DPYD: variants seen among roughly 807,000 people sequenced by gnomAD.
The protein encoded by DPYD is dihydropyrimidine dehydrogenase.
In DPYD, 109 loss-of-function variants were observed where a neutral mutation model predicts 116.2. That is an observed-to-expected ratio of 0.94 (90% CI 0.80 to 1.10). The LOEUF (loss-of-function observed/expected upper bound fraction) is 1.10, where lower values mean the gene tolerates loss of function less well. Ranked by LOEUF, DPYD falls within the 50% of genes least tolerant of loss-of-function variation. The pLI, the probability that DPYD is intolerant of heterozygous loss-of-function variation, is 0.00. For synonymous variants in DPYD, 440 were observed against 432.0 expected (o/e 1.02, Z -0.23); for missense variants, 1,302 against 1,254.5 (o/e 1.04, Z -0.57).
chr1:97,834,322 G>A (rs1265134479), intron 2 of DPYD, among the ~76,000 whole-genome samples: 2 of 151,754 alleles, frequency 1.3e-5, no homozygotes, highest in Non-Finnish European at 2.9e-5. Flanking sequence ...GTGCTAGATA[G>A]TATGCTAATC....
rs1668141613 is a variant in DPYD, at chr1:97,807,745, C to T, written c.233+20369G>A. On this transcript the variant is annotated intron_variant, in intron 3 of 22. Transcript: ENST00000370192. ...ATAACATCTATATTTTCTATGTTAT[C>T]TTCTCAGAATATAGTAGGCATGTGT... is the stretch of plus-strand genomic sequence containing the variant. Among the ~76,000 whole-genome samples the T allele has an allele frequency of 2.0e-5, 3 of 152,050 alleles. No homozygotes were observed. In the South Asian group the frequency reaches 6.2e-4, roughly 32 times the overall value.
chr1:97,459,718 G>A (rs1432758164), intron 13 of DPYD, among the ~76,000 whole-genome samples: 1 of 152,058 alleles, frequency 6.6e-6, no homozygotes, highest in Non-Finnish European at 1.5e-5. Context: ...GGAATTGTGA[G>A]CAAATAGTAT....
intron 2 of DPYD, among the ~76,000 whole-genome samples, chr1:97,869,646 T>C (rs116303728): frequency 0.056 from 8,478 of 151,826 alleles, 265 homozygotes; most frequent in South Asian, 0.1. Context: ...ATACAGAAAG[T>C]TGGCACCAAG....
intron 12 of DPYD, among the ~76,000 whole-genome samples, chr1:97,528,922 T>C (rs998314077): frequency 2.6e-5 from 4 of 152,170 alleles, no homozygotes; most frequent in African/African-American, 4.8e-5. Context: ...TAGTTTTTCA[T>C]TGGATTTTGT....
At chr1:97,149,887 A>G (rs1654897478) in intron 20 of DPYD, among the ~76,000 whole-genome samples, 1 of 152,220 alleles carries the variant, frequency 6.6e-6, no homozygotes, top group South Asian at 2.1e-4. Context: ...ATGTATTTGT[A>G]TATTTTCACC....
chr1:97,226,107 AC>A (rs1203483122), intron 19 of DPYD, among the ~76,000 whole-genome samples: 1 of 152,166 alleles, frequency 6.6e-6, no homozygotes, highest in African/African-American at 2.4e-5. Flanking sequence ...AATAAATATA[AC>A]AACACATTAA....
At chr1:97,143,925 C>T (rs1243541683) in intron 20 of DPYD, among the ~76,000 whole-genome samples, 3 of 152,244 alleles carry the variant, frequency 2.0e-5, no homozygotes, top group Admixed American at 2.0e-4. Flanking sequence ...TGTTCACCAG[C>T]CAATGGTAAC....
chr1:97,880,326 AGCTAG>A (rs533940724), intron 2 of DPYD, among the ~76,000 whole-genome samples: 447 of 151,976 alleles, frequency 2.9e-3, no homozygotes, highest in African/African-American at 1.0e-2. Context: ...GTTACTGGCT[AGCTAG>A]TGGGGATAAA....
chr1:97,785,914 C>A (rs1032869006), intron 3 of DPYD, among the ~76,000 whole-genome samples: 1 of 150,820 alleles, frequency 6.6e-6, no homozygotes, highest in African/African-American at 2.4e-5. Context: ...AGGACGGTCT[C>A]GATCTCCTGA....
chr1:97,199,171 T>C (rs1474689338), intron 19 of DPYD, among the ~76,000 whole-genome samples: 2 of 152,204 alleles, frequency 1.3e-5, no homozygotes, highest in African/African-American at 4.8e-5. Flanking sequence ...AAATCTTCTT[T>C]ACATACATTA....
At chr1:97,819,350 A>C (rs1668799712) in intron 3 of DPYD, among the ~76,000 whole-genome samples, 1 of 151,884 alleles carries the variant, frequency 6.6e-6, no homozygotes, top group African/African-American at 2.4e-5. Context: ...GAGTTGAAAC[A>C]TTGCTTCTGA....
chr1:97,845,828 C>T (rs1489166559), intron 2 of DPYD, among the ~76,000 whole-genome samples: 1 of 152,204 alleles, frequency 6.6e-6, no homozygotes, highest in Non-Finnish European at 1.5e-5. Flanking sequence ...CTTCCGGGCA[C>T]CATCACATTC....
At chr1:97,417,566 C>A (rs746669492) in intron 14 of DPYD, among the ~76,000 whole-genome samples, 37 of 152,232 alleles carry the variant, frequency 2.4e-4, no homozygotes, top group Non-Finnish European at 3.8e-4. Flanking sequence ...TTCTTTTCAA[C>A]AAAGCTACAC....
chr1:97,565,097 C>T (rs944346919), intron 11 of DPYD, among the ~76,000 whole-genome samples: 31 of 152,096 alleles, frequency 2.0e-4, no homozygotes, highest in Middle Eastern at 3.4e-3. Context: ...CTCAGTCGCC[C>T]CTGATACTGA....
At chr1:97,403,398 G>A (rs910941092) in intron 14 of DPYD, among the ~76,000 whole-genome samples, 3 of 152,012 alleles carry the variant, frequency 2.0e-5, no homozygotes, top group African/African-American at 7.2e-5. Flanking sequence ...GAATTGGTAG[G>A]AATTTTTCTT....
intron 8 of DPYD, among the ~76,000 whole-genome samples, chr1:97,658,571 A>G (rs1659074931): frequency 6.6e-6 from 1 of 152,138 alleles, no homozygotes; most frequent in Non-Finnish European, 1.5e-5. Flanking sequence ...AAAAGACCTA[A>G]GAATTTAGAC....
chr1:97,348,568 C>T (rs543002791), intron 16 of DPYD, among the ~76,000 whole-genome samples: 94 of 152,252 alleles, frequency 6.2e-4, no homozygotes, highest in Non-Finnish European at 1.1e-3. Flanking sequence ...AAGAACTATT[C>T]CTTTTTCCTG....
chr1:97,265,143 T>C (rs1664149413), intron 18 of DPYD, among the ~76,000 whole-genome samples: 1 of 152,186 alleles, frequency 6.6e-6, no homozygotes, highest in South Asian at 2.1e-4. Flanking sequence ...TGATACTTGT[T>C]GTTTCTTAAA....
At chr1:97,286,084 C>T (rs1479245798) in intron 18 of DPYD, among the ~76,000 whole-genome samples, 1 of 152,104 alleles carries the variant, frequency 6.6e-6, no homozygotes, top group Non-Finnish European at 1.5e-5. Context: ...ATGTTTAGCG[C>T]TTCCTTCAGG....
Sources: allele counts gnomAD v4.1 joint callset (sites outside exome capture counted in the v4.1 genomes callset), GRCh38; gene constraint gnomAD v4.1.1; transcripts MANE v1.5; gene names NCBI Gene and HGNC (gene_info 2026-07-23, HGNC 2026-07-21).